Variants in MAGI2 observed in about 807,000 individuals in gnomAD.
The protein encoded by MAGI2 is membrane associated guanylate kinase, WW and PDZ domain containing 2, also known as membrane-associated guanylate kinase, WW and PDZ domain-containing protein 2.
A neutral mutation model predicts 133.3 loss-of-function variants in MAGI2; 35 were observed. The ratio of observed to expected loss-of-function variants is 0.26; its 90% CI spans 0.20 to 0.35. The LOEUF is 0.35. MAGI2 is among the 10% of genes least tolerant of loss of function. MAGI2 has a pLI of 1.00. For missense variants in MAGI2, 1,636 were observed against 1,863.4 expected (o/e 0.88, Z 2.25); for synonymous variants, 729 against 710.6 (o/e 1.03, Z -0.41).
At chr7:78,443,953 T>C (rs1479427453) in intron 6 of MAGI2, among the ~76,000 whole-genome samples, 1 of 152,150 alleles carries the variant, frequency 6.6e-6, no homozygotes, top group African/African-American at 2.4e-5. Context: ...TCAGAGATTT[T>C]CTTTATGTTC....
At chr7:78,859,239 A>C (rs1428034046) in intron 2 of MAGI2, among the ~76,000 whole-genome samples, 1 of 152,164 alleles carries the variant, frequency 6.6e-6, no homozygotes, top group African/African-American at 2.4e-5. Context: ...GCCCATTTAC[A>C]TTTAAGGTTA....
chr7:79,135,189 A>C lies in MAGI2; in HGVS notation c.302-127983T>G, dbSNP rs543558675. On this transcript the variant is annotated intron_variant, in intron 1 of 21. Transcript: ENST00000354212. Reference sequence around the variant, plus strand: ...AGGACTAAGAATGGTGGTCAGCACAATTTTAGGTAAAGTTGAGTGAGATAG... The same window carrying C: ...AGGACTAAGAATGGTGGTCAGCACACTTTTAGGTAAAGTTGAGTGAGATAG... Among the ~76,000 whole-genome samples, 121 of 151,344 alleles carry C rather than the reference A, an allele frequency of 8.0e-4. 2 individuals carry two copies. The highest frequency in any genetic ancestry group is 2.7e-3 in the African/African-American group (111 of 41,430).
At chr7:78,371,917 T>G (rs6947554) in intron 6 of MAGI2, among the ~76,000 whole-genome samples, 116,738 of 151,956 alleles carry the variant, frequency 0.77, 45,099 homozygotes, top group African/African-American at 0.84. Context: ...GTTCTAACTT[T>G]CTGTTAGAAA....
At chr7:78,065,484 A>G (rs1306986289) in intron 21 of MAGI2, 1 of 581,314 alleles carries the variant, frequency 1.7e-6, no homozygotes, top group Non-Finnish European at 3.0e-6. Context: ...ACAAGCTACT[A>G]TGAAAGAGAA....
At chr7:78,100,934 TA>T (rs1184262975) in intron 20 of MAGI2, among the ~76,000 whole-genome samples, 2 of 151,804 alleles carry the variant, frequency 1.3e-5, no homozygotes, top group East Asian at 3.9e-4. Context: ...AAGAAATTTT[TA>T]AAAATTCCAT....
chr7:78,953,249 G>T (rs2115575983), intron 2 of MAGI2, among the ~76,000 whole-genome samples: 1 of 152,242 alleles, frequency 6.6e-6, no homozygotes, highest in East Asian at 1.9e-4. Context: ...TTTGGCATCT[G>T]GTATCCATCT....
chr7:78,496,940 A>G (rs1021828732), intron 5 of MAGI2, among the ~76,000 whole-genome samples: 2 of 152,196 alleles, frequency 1.3e-5, no homozygotes, highest in African/African-American at 4.8e-5. Flanking sequence ...AGCCCTGGCT[A>G]TGTCTGACTT....
At chr7:79,151,554 A>T (rs539418386) in intron 1 of MAGI2, among the ~76,000 whole-genome samples, 1 of 152,134 alleles carries the variant, frequency 6.6e-6, no homozygotes, top group Non-Finnish European at 1.5e-5. Context: ...TTAGGTCCTG[A>T]TATCAAGTAT....
intron 4 of MAGI2, among the ~76,000 whole-genome samples, chr7:78,505,162 A>T (rs1439302697): frequency 6.6e-6 from 1 of 152,108 alleles, no homozygotes; most frequent in Non-Finnish European, 1.5e-5. Flanking sequence ...TAAATGAGTA[A>T]ATTAGAATAT....
intron 20 of MAGI2, among the ~76,000 whole-genome samples, chr7:78,090,420 G>A (rs557515539): frequency 2.6e-5 from 4 of 152,258 alleles, no homozygotes; most frequent in African/African-American, 9.6e-5. Flanking sequence ...ATTGATTACT[G>A]TGTAGGGCAC....
chr7:78,362,911 T>C (rs1343792129), intron 7 of MAGI2, among the ~76,000 whole-genome samples: 1 of 152,244 alleles, frequency 6.6e-6, no homozygotes, highest in Non-Finnish European at 1.5e-5. Flanking sequence ...ATCAGTCATA[T>C]TCCCTTAGAA....
At chr7:78,952,855 G>T (rs1158231885) in intron 2 of MAGI2, among the ~76,000 whole-genome samples, 1 of 152,144 alleles carries the variant, frequency 6.6e-6, no homozygotes, top group Non-Finnish European at 1.5e-5. Context: ...GTCATCCAAG[G>T]ATTGAAACAT....
chr7:78,427,659 C>CA (rs1166524882), intron 6 of MAGI2, among the ~76,000 whole-genome samples: 14,977 of 69,296 alleles, frequency 0.22, 964 homozygotes, highest in East Asian at 0.42. Flanking sequence ...AACAAAAAGA[C>CA]AAAAAAAAAA....
At chr7:78,963,159 T>C (rs1415191851) in intron 2 of MAGI2, among the ~76,000 whole-genome samples, 3 of 152,168 alleles carry the variant, frequency 2.0e-5, no homozygotes, top group African/African-American at 7.2e-5. Context: ...CTTACTAGTT[T>C]ACATTGCCTA....
At chr7:78,683,744 A>T (rs906367765) in intron 2 of MAGI2, among the ~76,000 whole-genome samples, 2 of 152,088 alleles carry the variant, frequency 1.3e-5, no homozygotes, top group Non-Finnish European at 2.9e-5. Flanking sequence ...TAATCATAAG[A>T]TCACTCATTT....
At chr7:79,391,693 T>TTTTG (rs981086565) in intron 1 of MAGI2, among the ~76,000 whole-genome samples, 2 of 151,484 alleles carry the variant, frequency 1.3e-5, no homozygotes, top group Admixed American at 6.6e-5. Context: ...GTTTGTTTGT[T>TTTTG]TTTGTTTGTT....
At chr7:78,882,298 T>G (rs1316870391) in intron 2 of MAGI2, among the ~76,000 whole-genome samples, 4 of 151,534 alleles carry the variant, frequency 2.6e-5, no homozygotes, top group Admixed American at 6.6e-5. Flanking sequence ...AACATACAAC[T>G]TCCCAAAATT....
chr7:78,475,588 T>A (rs1477904069), intron 6 of MAGI2, among the ~76,000 whole-genome samples: 1 of 151,556 alleles, frequency 6.6e-6, no homozygotes, highest in African/African-American at 2.4e-5. Context: ...GAAGATGGAG[T>A]GAACTGAAAT....
At chr7:79,442,669 T>A (rs978807719) in intron 1 of MAGI2, among the ~76,000 whole-genome samples, 1 of 152,140 alleles carries the variant, frequency 6.6e-6, no homozygotes. Flanking sequence ...TAGTAGGTAA[T>A]AGGATCTTTG....
Sources: allele counts gnomAD v4.1 joint callset (sites outside exome capture counted in the v4.1 genomes callset), GRCh38; gene constraint gnomAD v4.1.1; transcripts MANE v1.5; gene names NCBI Gene and HGNC (gene_info 2026-07-23, HGNC 2026-07-21).